LINGO1: variants seen among roughly 807,000 people sequenced by gnomAD.
The protein encoded by LINGO1 is leucine-rich repeat and immunoglobulin-like domain-containing nogo receptor-interacting protein 1.
In LINGO1, 11 loss-of-function variants were observed where a neutral mutation model predicts 37.3. The ratio of observed to expected loss-of-function variants is 0.29; its 90% CI spans 0.19 to 0.49. The LOEUF is 0.49. Ranked by LOEUF, LINGO1 falls within the 20% of genes least tolerant of loss-of-function variation. The pLI is 0.99. For synonymous variants in LINGO1, 387 were observed against 403.0 expected, an observed-to-expected ratio of 0.96 and a Z score of 0.48; for missense variants, 585 against 878.2, an observed-to-expected ratio of 0.67 and a Z score of 4.22.
intron 2 of LINGO1, among the ~76,000 whole-genome samples, chr15:77,793,259 G>A (rs1013127561): frequency 6.6e-6 from 1 of 152,178 alleles, no homozygotes; most frequent in Non-Finnish European, 1.5e-5. Context: ...GGAGGGAGAG[G>A]TCATCTGGGA....
intron 1 of LINGO1, among the ~76,000 whole-genome samples, chr15:77,781,831 G>A (rs889579306): frequency 1.3e-5 from 2 of 152,208 alleles, no homozygotes; most frequent in Admixed American, 6.5e-5. Context: ...TTCGCACACC[G>A]AAAGCCTCTC....
At chr15:77,622,711 G>A (rs964754348) in intron 1 of LINGO1, among the ~76,000 whole-genome samples, 2 of 152,330 alleles carry the variant, frequency 1.3e-5, no homozygotes, top group Non-Finnish European at 2.9e-5. Context: ...GGCCAGGAGT[G>A]GGGGCGCAGT....
chr15:77,741,492 C>A (rs1294654913), intron 1 of LINGO1, among the ~76,000 whole-genome samples: 1 of 152,164 alleles, frequency 6.6e-6, no homozygotes, highest in Non-Finnish European at 1.5e-5. Flanking sequence ...CCTGGCCACC[C>A]TTCCCTGGTG....
chr15:77,815,515 G>A (rs778254376), intron 1 of LINGO1, among the ~76,000 whole-genome samples: 7 of 152,120 alleles, frequency 4.6e-5, no homozygotes, highest in African/African-American at 9.7e-5. Flanking sequence ...AGTTATCCAC[G>A]GAGACAAACA....
chr15:77,781,362 G>C (rs1421024276), intron 1 of LINGO1, among the ~76,000 whole-genome samples: 1 of 152,248 alleles, frequency 6.6e-6, no homozygotes, highest in Non-Finnish European at 1.5e-5. Flanking sequence ...GAGGCTGCTT[G>C]GAAGTGGGGA....
intron 1 of LINGO1, among the ~76,000 whole-genome samples, chr15:77,766,767 C>T (rs943391697): frequency 1.3e-5 from 2 of 152,166 alleles, no homozygotes; most frequent in African/African-American, 2.4e-5. Flanking sequence ...AAACCTCTTT[C>T]CTTTACAAAT....
chr15:77,725,130 G>A (rs1366848199), intron 2 of LINGO1, among the ~76,000 whole-genome samples: 2 of 151,258 alleles, frequency 1.3e-5, no homozygotes, highest in East Asian at 1.9e-4. Flanking sequence ...CCAGAGGCAG[G>A]TCTACACAGG....
chr15:77,646,037 T>C (rs2074619562), intron 3 of LINGO1, among the ~76,000 whole-genome samples: 2 of 152,230 alleles, frequency 1.3e-5, no homozygotes, highest in Admixed American at 1.3e-4. Flanking sequence ...CTGCCTCATT[T>C]AGAGGCTGGG....
At chr15:77,644,311 G>A (rs997109348) in intron 3 of LINGO1, among the ~76,000 whole-genome samples, 24 of 152,196 alleles carry the variant, frequency 1.6e-4, no homozygotes, top group African/African-American at 5.5e-4. Flanking sequence ...CTGTGCCGGA[G>A]GAGCCACAGC....
intron 2 of LINGO1, among the ~76,000 whole-genome samples, chr15:77,731,204 C>T (rs2076152029): frequency 6.6e-6 from 1 of 152,152 alleles, no homozygotes; most frequent in Non-Finnish European, 1.5e-5. Flanking sequence ...ACAGGCTGGG[C>T]CCAGACACCA....
intron 3 of LINGO1, among the ~76,000 whole-genome samples, chr15:77,670,811 G>C (rs1021159659): frequency 2.0e-5 from 3 of 152,214 alleles, no homozygotes; most frequent in African/African-American, 7.2e-5. Flanking sequence ...AAGAAGGCAG[G>C]CAGCTCTGTG....
At chr15:77,814,784 C>G (rs2077034861) in intron 1 of LINGO1, among the ~76,000 whole-genome samples, 1 of 152,236 alleles carries the variant, frequency 6.6e-6, no homozygotes, top group Non-Finnish European at 1.5e-5. Context: ...CGAGGAGCCA[C>G]TCCATACCCC....
At chr15:77,766,959 A>C (rs957137690) in intron 1 of LINGO1, among the ~76,000 whole-genome samples, 3 of 151,986 alleles carry the variant, frequency 2.0e-5, no homozygotes, top group African/African-American at 7.3e-5. Context: ...ATTTTTTAAA[A>C]AAGTGTAAAG....
At chr15:77,656,871 C>T (rs957372800) in intron 3 of LINGO1, among the ~76,000 whole-genome samples, 1 of 152,156 alleles carries the variant, frequency 6.6e-6, no homozygotes. Flanking sequence ...GCAGTGGCAC[C>T]CTGGCTGCCA....
chr15:77,776,472 G>A (rs78399245), intron 1 of LINGO1, among the ~76,000 whole-genome samples: 12,151 of 112,592 alleles, frequency 0.11, 904 homozygotes, highest in East Asian at 0.21. Flanking sequence ...AAGGCAGGAA[G>A]GCAGGAAGGC....
chr15:77,800,287 C>T (rs1221545812), intron 1 of LINGO1, among the ~76,000 whole-genome samples: 4 of 152,226 alleles, frequency 2.6e-5, no homozygotes, highest in Non-Finnish European at 5.9e-5. Context: ...GGGCTGCCAC[C>T]ACTGCCACCT....
At chr15:77,703,203 G>A (rs938244233) in intron 2 of LINGO1, among the ~76,000 whole-genome samples, 5 of 152,096 alleles carry the variant, frequency 3.3e-5, no homozygotes, top group African/African-American at 1.2e-4. Flanking sequence ...CCTTCCTCCT[G>A]GAACTTCACT....
chr15:77,714,154 T>C (rs144280469), intron 2 of LINGO1, among the ~76,000 whole-genome samples: 3 of 152,278 alleles, frequency 2.0e-5, no homozygotes, highest in African/African-American at 7.2e-5. Flanking sequence ...TCTCAGAGGA[T>C]GACCGCAGCG....
chr15:77,710,314 C>A (rs1044514160), intron 2 of LINGO1, among the ~76,000 whole-genome samples: 2 of 152,210 alleles, frequency 1.3e-5, no homozygotes, highest in Non-Finnish European at 2.9e-5. Flanking sequence ...GCTCTAAATG[C>A]TGGTTAATTG....
Sources: gnomAD v4.1 joint callset for allele counts (sites outside exome capture counted in the v4.1 genomes callset) on GRCh38, gnomAD v4.1.1 for gene constraint, MANE v1.5 for transcripts, NCBI Gene and HGNC (gene_info 2026-07-23, HGNC 2026-07-21) for gene names.